The following ADGRV1 variants were observed in gnomAD, a reference collection of about 807,000 sequenced individuals.
ADGRV1 encodes the protein adhesion G protein-coupled receptor V1.
In ADGRV1, 359 loss-of-function variants were observed where a neutral mutation model predicts 596.2. The observed-to-expected ratio is 0.60, with a 90% CI of 0.55 to 0.66. The LOEUF is 0.66. Among genes scored for constraint, ADGRV1 ranks in the 30% least tolerant of loss-of-function variants. The pLI is 0.00. For missense variants in ADGRV1, 7,274 were observed against 7,575.6 expected, an observed-to-expected ratio of 0.96 and a Z score of 1.48; for synonymous variants, 2,681 against 2,679.2, an observed-to-expected ratio of 1.00 and a Z score of -0.02.
chr5:90,647,837 C>T (rs372287774), intron 17 of ADGRV1, 73 bp downstream of exon 17: 2 of 1,335,342 alleles, frequency 1.5e-6, no homozygotes, highest in East Asian at 2.3e-5. Context: ...CACTGCAGTC[C>T]AATAATGAGG....
At chr5:90,809,948 C>T (rs1445382233) in intron 73 of ADGRV1, among the ~76,000 whole-genome samples, 2 of 152,216 alleles carry the variant, frequency 1.3e-5, no homozygotes, top group African/African-American at 4.8e-5. Context: ...TTTCACATCC[C>T]TCAGACAGCT....
intron 83 of ADGRV1, among the ~76,000 whole-genome samples, chr5:90,944,502 A>G (rs1290738797): frequency 6.6e-6 from 1 of 152,168 alleles, no homozygotes; most frequent in African/African-American, 2.4e-5. Flanking sequence ...GTATATTCTG[A>G]TTAAGTATAG....
intron 77 of ADGRV1, 82 bp downstream of exon 77, chr5:90,829,268 G>T: frequency 2.7e-6 from 3 of 1,111,338 alleles, no homozygotes; most frequent in Non-Finnish European, 2.4e-6. Flanking sequence ...GGGAATAATT[G>T]ATACATTATT....
In ADGRV1 at chr5:90,823,599, A is replaced by G; in HGVS notation, c.16368+3A>G. 1 of 1,611,976 alleles carries G rather than the reference A, an allele frequency of 6.2e-7. No homozygotes were observed. The highest frequency in any genetic ancestry group is 8.5e-7 in the Non-Finnish European group (1 of 1,178,314). ...GCATTGAACTCAAACCAGAAAAGGT[A>G]AGAAATGAAGAGACACACTAGTGTC... On this transcript the variant is annotated splice_donor_region_variant and intron_variant, in intron 76 of 89. Transcript: ENST00000405460.
intron 78 of ADGRV1, among the ~76,000 whole-genome samples, chr5:90,848,029 C>T (rs78925640): frequency 0.027 from 4,100 of 152,098 alleles, 262 homozygotes; most frequent in East Asian, 0.27. Flanking sequence ...CTCAGTCCCC[C>T]GTCATTTTGG....
chr5:90,790,672 A>T (rs1288838717), intron 69 of ADGRV1, among the ~76,000 whole-genome samples: 1 of 152,150 alleles, frequency 6.6e-6, no homozygotes, highest in Non-Finnish European at 1.5e-5. Flanking sequence ...AGATTTTGTA[A>T]TCTTATCCTG....
chr5:90,948,082 T>C (rs6891672), intron 83 of ADGRV1, among the ~76,000 whole-genome samples: 113,572 of 151,916 alleles, frequency 0.75, 43,282 homozygotes, highest in African/African-American at 0.89. Context: ...ACTTATTCTA[T>C]GCAGCTACTC....
intron 21 of ADGRV1, among the ~76,000 whole-genome samples, chr5:90,671,095 C>T (rs574812528): frequency 1.3e-5 from 2 of 152,280 alleles, no homozygotes; most frequent in East Asian, 3.9e-4. Flanking sequence ...AGGCACAGTG[C>T]TGGCTTAAGG....
chr5:91,065,822 G>A (rs1421709803), intron 85 of ADGRV1, among the ~76,000 whole-genome samples: 1 of 152,156 alleles, frequency 6.6e-6, no homozygotes, highest in East Asian at 1.9e-4. Context: ...AAAACTGAAG[G>A]TAATGAAACA....
At chr5:90,757,912 A>G (rs1228481725) in intron 57 of ADGRV1, among the ~76,000 whole-genome samples, 2 of 152,166 alleles carry the variant, frequency 1.3e-5, no homozygotes, top group African/African-American at 4.8e-5. Flanking sequence ...GCGTCAACTT[A>G]TTTGTTGCTC....
chr5:90,687,955 G>T (rs1276314984), intron 29 of ADGRV1, among the ~76,000 whole-genome samples: 1 of 152,108 alleles, frequency 6.6e-6, no homozygotes, highest in African/African-American at 2.4e-5. Context: ...AATCAATATC[G>T]TGAAAATGGC....
At chr5:90,860,174 G>A (rs1262346840) in intron 82 of ADGRV1, among the ~76,000 whole-genome samples, 1 of 152,188 alleles carries the variant, frequency 6.6e-6, no homozygotes, top group Middle Eastern at 3.4e-3. Flanking sequence ...ACAGCGTTAA[G>A]TTCAACCACC....
At chr5:90,615,410 T>C (rs961337033) in intron 2 of ADGRV1, among the ~76,000 whole-genome samples, 1 of 151,976 alleles carries the variant, frequency 6.6e-6, no homozygotes, top group Non-Finnish European at 1.5e-5. Context: ...AAAAAAACTT[T>C]AGTTATGTCC....
intron 5 of ADGRV1, among the ~76,000 whole-genome samples, chr5:90,623,863 A>C (rs1764403704): frequency 6.6e-6 from 1 of 152,174 alleles, no homozygotes; most frequent in South Asian, 2.1e-4. Flanking sequence ...TAATCATTTT[A>C]TTTGATTGCT....
At position 90,653,596 on chromosome 5, in the gene ADGRV1, A is replaced by G; in HGVS notation, c.4022A>G (p.Asn1341Ser). Residue 1341 changes from asparagine to serine, a missense_variant, in exon 20 of 90, where the codon AAT (asparagine) becomes AGT (serine). Transcript: ENST00000405460. ...CTAGAGGGTGCATTTGGGACTGTTA[A>G]TCCAAAATACCATCCCTCCAGGAAT... ...TGLEGAFGTV[N>S]PKYHPSRNNT... The G allele has an allele frequency of 6.2e-7, 1 of 1,613,852 alleles. No individual in the cohort carries two copies. The highest frequency in any genetic ancestry group is 1.1e-5 in the South Asian group (1 of 91,052).
At chr5:90,697,766 A>G (rs1171835907) in intron 34 of ADGRV1, among the ~76,000 whole-genome samples, 1 of 152,140 alleles carries the variant, frequency 6.6e-6, no homozygotes, top group African/African-American at 2.4e-5. Context: ...TGTGTGTTTA[A>G]AACATAACAG....
intron 15 of ADGRV1, 140 bp from the exon 16 acceptor site, chr5:90,645,828 G>C: frequency 1.9e-6 from 1 of 533,774 alleles, no homozygotes; most frequent in Non-Finnish European, 2.9e-6. Context: ...AATGTGTTAG[G>C]GGAAGTTCTG....
At chr5:91,105,591 G>A (rs1791791506) in intron 87 of ADGRV1, among the ~76,000 whole-genome samples, 1 of 152,146 alleles carries the variant, frequency 6.6e-6, no homozygotes, top group South Asian at 2.1e-4. Context: ...GATTAGTGAT[G>A]CTGAGCATTT....
chr5:90,817,188 T>C (rs1382710659), intron 75 of ADGRV1, among the ~76,000 whole-genome samples: 2 of 151,014 alleles, frequency 1.3e-5, no homozygotes, highest in African/African-American at 4.9e-5. Context: ...TTTCATGTGT[T>C]TTTTGGCTGC....
Sources: gnomAD v4.1 joint callset for allele counts (sites outside exome capture counted in the v4.1 genomes callset) on GRCh38, gnomAD v4.1.1 for gene constraint, MANE v1.5 for transcripts, NCBI Gene and HGNC (gene_info 2026-07-23, HGNC 2026-07-21) for gene names.